Variants in SP3 observed in about 807,000 individuals in gnomAD.
The protein encoded by SP3 is Sp3 transcription factor.
A neutral mutation model predicts 70.3 loss-of-function variants in SP3; 10 were observed. The observed-to-expected ratio is 0.14, with a 90% CI of 0.09 to 0.24. The LOEUF is 0.24. Among genes scored for constraint, SP3 ranks in the 10% least tolerant of loss-of-function variants. SP3 has a pLI of 1.00. For missense variants in SP3, 825 were observed against 914.6 expected, an observed-to-expected ratio of 0.90 and a Z score of 1.26; for synonymous variants, 402 against 333.5, an observed-to-expected ratio of 1.21 and a Z score of -2.24.
At chr2:173,939,875 G>A (rs116655579) in intron 4 of SP3, among the ~76,000 whole-genome samples, 1,789 of 151,874 alleles carry the variant, frequency 0.012, 38 homozygotes, top group African/African-American at 0.041. Flanking sequence ...GAAAGGAGGG[G>A]GCATGGAAAA....
rs112825023 is a variant in SP3 at position 173,959,796 on chromosome 2, C to A, written c.280-3564G>T. Among the ~76,000 whole-genome samples the A allele has an allele frequency of 1.1e-3, 165 of 152,250 alleles. 3 individuals carry two copies. The highest frequency in any genetic ancestry group is 3.8e-3 in the African/African-American group (157 of 41,570). ...AATAAAAAAAATTAAAACAGGCAAC[C>A]AAGACGAGAACTAGTATTTGGTTTA... On this transcript the variant is annotated intron_variant, in intron 3 of 6. Transcript: ENST00000310015.
At position 173,938,706 on chromosome 2, in the gene SP3, A is replaced by G. The variant is rs545116428; in HGVS notation, c.1639+16167T>C. 3.3e-5 allele frequency among the ~76,000 whole-genome samples: 5 copies of G among 152,278 alleles called. No homozygotes were observed. In the East Asian group the frequency reaches 9.6e-4, roughly 29 times the overall value. ...AAACAAGCGGTAATTCAAAGGTGGC[A>G]AGAAGAAGGGAAGGCTGCGGGATAA... is the stretch of plus-strand genomic sequence containing the variant. On this transcript the variant is annotated intron_variant, in intron 4 of 6. Transcript: ENST00000310015.
intron 4 of SP3, among the ~76,000 whole-genome samples, chr2:173,950,176 G>C (rs1232381648): frequency 2.6e-5 from 4 of 151,896 alleles, no homozygotes; most frequent in African/African-American, 9.7e-5. Context: ...TAAAGGATAA[G>C]GAGTAGTAAA....
In SP3 at chr2:173,954,955, T is replaced by C. The variant is rs780361072; in HGVS notation, c.1557A>G (p.Pro519=). 5.6e-6 allele frequency: 9 copies of C among 1,614,182 alleles called. No individual in the cohort carries two copies. The highest frequency in any genetic ancestry group is 7.6e-6 in the Non-Finnish European group (9 of 1,180,024). Residue 519 remains proline, a synonymous_variant, in exon 4 of 7, where the codon CCA becomes CCG. Coordinates refer to ENST00000310015, the MANE Select transcript of SP3 (RefSeq NM_003111.5). ...TPVSLSTGQL[P]NLQTVTVNSI... ...AGTTCACTGTAACTGTTTGTAGATT[T>C]GGCAACTGACCAGTGCTTAGACTAA...
chr2:173,964,013 T>TCTCCTCCTC lies in SP3; in HGVS notation c.157-139_157-131dup, dbSNP rs533817433. On this transcript the variant is annotated intron_variant, in intron 2 of 6. Transcript: ENST00000310015. ...CGCCCGGGCAAGCGCCAGCCCGCGC[T>TCTCCTCCTC]CTCCTCCTCCTCCTCCTCCTCCTCC... 36 of 466,218 alleles carry TCTCCTCCTC rather than the reference T, an allele frequency of 7.7e-5. 1 individual carries two copies. Among genetic ancestry groups the TCTCCTCCTC allele is most frequent in the Admixed American group, 6.5e-4 (14 of 21,544 alleles). 28.9% of individuals were successfully genotyped at this position (466,218 alleles called of 1,614,324 possible).
At chr2:173,943,327 C>G (rs1237201730) in intron 4 of SP3, among the ~76,000 whole-genome samples, 9 of 152,288 alleles carry the variant, frequency 5.9e-5, no homozygotes, top group Non-Finnish European at 5.9e-5. Flanking sequence ...TGCTCATTCC[C>G]TCTTCCTGGA....
chr2:173,904,868 G>A lies in SP3; in HGVS notation c.*5073C>T, dbSNP rs1403790409. Among the ~76,000 whole-genome samples the A allele has an allele frequency of 6.6e-6, 1 of 152,086 alleles. No individual in the cohort carries two copies. The highest frequency in any genetic ancestry group is 2.4e-5 in the African/African-American group (1 of 41,400). On this transcript the variant is annotated 3_prime_UTR_variant, in exon 7 of 7. Transcript: ENST00000310015. Reference sequence around the variant, plus strand: ...TTTTTTTGTGGGGGAAGGATGGAGGGGAGAAATAACTGCATTTCTCTGATG... The same window carrying A: ...TTTTTTTGTGGGGGAAGGATGGAGGAGAGAAATAACTGCATTTCTCTGATG...
intron 4 of SP3, among the ~76,000 whole-genome samples, chr2:173,920,143 T>G (rs889686759): frequency 6.6e-6 from 1 of 152,088 alleles, no homozygotes; most frequent in African/African-American, 2.4e-5. Context: ...GTGTATGATA[T>G]TTATATAAAG....
intron 4 of SP3, among the ~76,000 whole-genome samples, chr2:173,935,292 G>A (rs1690177610): frequency 6.6e-6 from 1 of 152,116 alleles, no homozygotes; most frequent in Non-Finnish European, 1.5e-5. Context: ...GTTAAAAGAA[G>A]CTAACTTTTA....
At position 173,965,292 on chromosome 2, in the gene SP3, G is replaced by A. The variant is rs531667298; in HGVS notation, c.-121C>T. On this transcript the variant is annotated 5_prime_UTR_variant, in exon 1 of 7. Coordinates refer to ENST00000310015, the MANE Select transcript of SP3 (RefSeq NM_003111.5). ...GCGGACACGGCCGGAGCGGTCCGGGGATTTTTTTTTCCTATTTTGATTGAC... is the reference window on the plus strand; with the variant it reads ...GCGGACACGGCCGGAGCGGTCCGGGAATTTTTTTTTCCTATTTTGATTGAC... The A allele has an allele frequency of 4.8e-5, 58 of 1,201,012 alleles. 1 individual carries two copies. The South Asian group carries it at 5.8e-4, about 12-fold the overall frequency. 74.4% of individuals were successfully genotyped at this position (1,201,012 alleles called of 1,614,324 possible). A position where few individuals can be genotyped will look rare whatever the true frequency, so the allele number is the denominator to read the frequency against.
At chr2:173,936,056 C>T (rs1690202714) in intron 4 of SP3, among the ~76,000 whole-genome samples, 1 of 152,066 alleles carries the variant, frequency 6.6e-6, no homozygotes, top group Non-Finnish European at 1.5e-5. Context: ...GAAACGGAGT[C>T]CCGCTCTGTC....
chr2:173,919,567 G>C (rs1353155291), intron 4 of SP3, among the ~76,000 whole-genome samples: 1 of 150,104 alleles, frequency 6.7e-6, no homozygotes, highest in Non-Finnish European at 1.5e-5. Flanking sequence ...AGAAACAAAA[G>C]TAATAATCCA....
intron 4 of SP3, among the ~76,000 whole-genome samples, chr2:173,952,761 A>T (rs924932456): frequency 6.6e-6 from 1 of 152,250 alleles, no homozygotes; most frequent in Non-Finnish European, 1.5e-5. Context: ...GACACAGATG[A>T]ACCTTGAAAA....
intron 4 of SP3, among the ~76,000 whole-genome samples, chr2:173,947,159 A>ATC (rs1690567580): frequency 6.6e-6 from 1 of 152,214 alleles, no homozygotes; most frequent in Admixed American, 6.5e-5. Context: ...ACTTGAAATA[A>ATC]AACTTGATCT....
rs1359631472 is a variant in SP3 at position 173,921,810 on chromosome 2, C to T, written c.1640-3025G>A. On this transcript the variant is annotated intron_variant, in intron 4 of 6. Coordinates refer to ENST00000310015, the MANE Select transcript of SP3 (RefSeq NM_003111.5). ...GTAGGAGGTGATTGGATCATGGGGG[C>T]GGATTTCTCATAAATGGTTTAGCAC... is the stretch of plus-strand genomic sequence containing the variant. 5.3e-5 allele frequency among the ~76,000 whole-genome samples: 8 copies of T among 152,086 alleles called. 2 individuals carry two copies. In the South Asian group the frequency reaches 6.2e-4, roughly 12 times the overall value.
chr2:173,962,655 A>AG (rs976349529), intron 3 of SP3, among the ~76,000 whole-genome samples: 5 of 152,206 alleles, frequency 3.3e-5, no homozygotes, highest in Admixed American at 2.6e-4. Context: ...CTTAAAAAAA[A>AG]AAAATACCTG....
Position 173,954,902 on chromosome 2 carries a change from T to C in SP3, c.1610A>G (p.His537Arg). 1 of 1,614,002 alleles carries C rather than the reference T, an allele frequency of 6.2e-7. No homozygotes were observed. The highest frequency in any genetic ancestry group is 8.5e-7 in the Non-Finnish European group (1 of 1,179,860). The change falls in exon 4 of 7, where the codon CAT (histidine) becomes CGT (arginine). Residue 537 changes from histidine (H) to arginine (R), a missense_variant. Transcript: ENST00000310015. ...NSIDSAGIQL[H>R]PGENADSPAD... ...AGGACTGTCAGCATTCTCTCCTGGA[T>C]GTAGCTGTATACCAGCAGAATCTAT... is the stretch of plus-strand genomic sequence containing the variant.
intron 2 of SP3, 21 bp downstream of exon 2, chr2:173,964,384 C>G (rs751906470): frequency 4.4e-6 from 3 of 678,482 alleles, no homozygotes; most frequent in Non-Finnish European, 5.3e-6. Context: ...GGAGCCGGGC[C>G]GGGGTTCAGC....
chr2:173,948,881 T>A (rs145711755), intron 4 of SP3, among the ~76,000 whole-genome samples: 1 of 152,132 alleles, frequency 6.6e-6, no homozygotes, highest in Non-Finnish European at 1.5e-5. Context: ...GACCATAGCA[T>A]GCAATACATA....
Sources: allele counts gnomAD v4.1 joint callset (sites outside exome capture counted in the v4.1 genomes callset), GRCh38; gene constraint gnomAD v4.1.1; transcripts MANE v1.5; gene names NCBI Gene and HGNC (gene_info 2026-07-23, HGNC 2026-07-21).